The following STAU2 variants were observed in gnomAD, a reference collection of about 807,000 sequenced individuals.
STAU2 encodes the protein staufen double-stranded RNA binding protein 2.
In STAU2, 20 loss-of-function variants were observed where a neutral mutation model predicts 65.9. That is an observed-to-expected ratio of 0.30 (90% CI 0.21 to 0.44). The LOEUF (loss-of-function observed/expected upper bound fraction) is 0.44. Ranked by LOEUF, STAU2 falls within the 20% of genes least tolerant of loss-of-function variation. The probability of loss-of-function intolerance (pLI) is 1.00; values close to 1 mark genes in which losing one functional copy is unlikely to be tolerated. For synonymous variants in STAU2, 232 were observed against 233.9 expected, an observed-to-expected ratio of 0.99 and a Z score of 0.07; for missense variants, 558 against 683.9, an observed-to-expected ratio of 0.82 and a Z score of 2.05.
chr8:73,540,189 G>A (rs1207725992), intron 13 of STAU2, among the ~76,000 whole-genome samples: 2 of 152,154 alleles, frequency 1.3e-5, no homozygotes, highest in Non-Finnish European at 2.9e-5. Flanking sequence ...CTGGGAATAA[G>A]ATCATTCTGA....
intron 5 of STAU2, among the ~76,000 whole-genome samples, chr8:73,684,568 G>A (rs946407422): frequency 6.6e-6 from 1 of 152,110 alleles, no homozygotes; most frequent in African/African-American, 2.4e-5. Flanking sequence ...TCATGACCAA[G>A]AACCCAAAAG....
At chr8:73,641,935 G>A (rs1012654286) in intron 6 of STAU2, among the ~76,000 whole-genome samples, 3 of 152,184 alleles carry the variant, frequency 2.0e-5, no homozygotes, top group East Asian at 3.9e-4. Flanking sequence ...GGAACCTCTG[G>A]ATCAAATGTA....
intron 12 of STAU2, among the ~76,000 whole-genome samples, chr8:73,576,321 A>C (rs116771189): frequency 0.014 from 2,164 of 152,272 alleles, 52 homozygotes; most frequent in African/African-American, 0.049. Flanking sequence ...AAAACAAAAT[A>C]ATCTTAAATT....
chr8:73,654,973 C>T (rs1299504072), intron 6 of STAU2, among the ~76,000 whole-genome samples: 1 of 152,146 alleles, frequency 6.6e-6, no homozygotes, highest in Admixed American at 6.5e-5. Context: ...GCGTGAGCCA[C>T]CGCGCCCGGC....
At chr8:73,680,267 A>G (rs1818340562) in intron 5 of STAU2, among the ~76,000 whole-genome samples, 1 of 152,004 alleles carries the variant, frequency 6.6e-6, no homozygotes, top group African/African-American at 2.4e-5. Flanking sequence ...CTTTCTTAGC[A>G]GGAAGACTTC....
At chr8:73,742,265 G>C in intron 1 of STAU2, 1 of 984,754 alleles carries the variant, frequency 1.0e-6, no homozygotes, top group African/African-American at 1.7e-5. Flanking sequence ...GGGTGTGGTG[G>C]CTCACGCCTG....
chr8:73,489,843 T>G (rs564432192), intron 13 of STAU2, among the ~76,000 whole-genome samples: 1 of 152,154 alleles, frequency 6.6e-6, no homozygotes, highest in African/African-American at 2.4e-5. Context: ...AGCATTAACA[T>G]GTACTCACAT....
At chr8:73,672,407 G>C (rs1039605736) in intron 6 of STAU2, 1 of 152,170 alleles carries the variant, frequency 6.6e-6, no homozygotes, top group East Asian at 1.9e-4. Context: ...TCTGTATCTC[G>C]ATCTGAGTGG....
intron 13 of STAU2, among the ~76,000 whole-genome samples, chr8:73,499,082 G>C (rs1201561834): frequency 6.6e-6 from 1 of 151,812 alleles, no homozygotes; most frequent in Non-Finnish European, 1.5e-5. Context: ...AATCATCCCT[G>C]AGTTCCATCC....
intron 12 of STAU2, among the ~76,000 whole-genome samples, chr8:73,564,133 A>T (rs894846250): frequency 6.6e-6 from 1 of 152,182 alleles, no homozygotes; most frequent in Non-Finnish European, 1.5e-5. Context: ...AGGTGAGTGG[A>T]ATGTGCATCC....
At chr8:73,439,513 G>C (rs576792234) in intron 13 of STAU2, among the ~76,000 whole-genome samples, 2 of 152,312 alleles carry the variant, frequency 1.3e-5, no homozygotes, top group East Asian at 1.9e-4. Context: ...AGCTACTCAA[G>C]AGCCTGAGGC....
chr8:73,505,802 G>A (rs983807481), intron 13 of STAU2, among the ~76,000 whole-genome samples: 5 of 151,980 alleles, frequency 3.3e-5, no homozygotes, highest in Admixed American at 6.6e-5. Context: ...ACTCCCCAGC[G>A]CTGGAAGTGA....
intron 13 of STAU2, among the ~76,000 whole-genome samples, chr8:73,539,918 G>A (rs948282060): frequency 6.6e-6 from 1 of 151,658 alleles, no homozygotes; most frequent in South Asian, 2.1e-4. Context: ...CAAGGAATCT[G>A]TGGGACAATA....
chr8:73,445,028 A>G (rs1818393127), intron 13 of STAU2, among the ~76,000 whole-genome samples: 1 of 152,212 alleles, frequency 6.6e-6, no homozygotes, highest in African/African-American at 2.4e-5. Context: ...AAGACAAAGA[A>G]TAGGGCGGAG....
intron 13 of STAU2, among the ~76,000 whole-genome samples, chr8:73,542,885 A>C (rs1806638348): frequency 6.6e-6 from 1 of 152,196 alleles, no homozygotes; most frequent in Non-Finnish European, 1.5e-5. Flanking sequence ...TTCTTATAAC[A>C]TTGTATGTAC....
intron 13 of STAU2, among the ~76,000 whole-genome samples, chr8:73,526,567 C>A (rs969252227): frequency 1.3e-5 from 2 of 152,094 alleles, no homozygotes; most frequent in Admixed American, 6.6e-5. Flanking sequence ...ATTAGAAGTC[C>A]TCAAATTTAC....
Position 73,582,780 on chromosome 8 carries a change from T to C in STAU2, c.1212A>G (p.Pro404=), listed in dbSNP as rs142953051. 1.4e-4 allele frequency: 218 copies of C among 1,613,498 alleles called. No individual in the cohort carries two copies. The highest frequency in any genetic ancestry group is 2.8e-5 in the Non-Finnish European group (33 of 1,179,552). Residue 404 remains proline, a synonymous_variant, in exon 12 of 15, where the codon CCA becomes CCG. Coordinates refer to ENST00000524300, the MANE Select transcript of STAU2 (RefSeq NM_001164380.2). ...WSGPKPGFPE[P]TNNTPKGILH... ...AAAATGAGAACTTACTATTATTTGT[T>C]GGTTCAGGAAACCCAGGCTTTGGAC...
chr8:73,638,671 A>G (rs1814735949), intron 6 of STAU2, among the ~76,000 whole-genome samples: 1 of 151,994 alleles, frequency 6.6e-6, no homozygotes. Flanking sequence ...AAAACTCATT[A>G]GGTACCTCTG....
intron 6 of STAU2, chr8:73,672,902 A>G (rs1402458077): frequency 3.4e-4 from 37 of 108,158 alleles, no homozygotes; most frequent in Non-Finnish European, 4.5e-4. Flanking sequence ...GGGGTAGGGG[A>G]AAAAAAAAAA....
Sources: gnomAD v4.1 joint callset for allele counts (sites outside exome capture counted in the v4.1 genomes callset) on GRCh38, gnomAD v4.1.1 for gene constraint, MANE v1.5 for transcripts, NCBI Gene and HGNC (gene_info 2026-07-23, HGNC 2026-07-21) for gene names.